The following CACYBP variants were observed in gnomAD, a reference collection of about 807,000 sequenced individuals.
CACYBP encodes calcyclin-binding protein.
In CACYBP, 11 loss-of-function variants were observed where a neutral mutation model predicts 29.6. The observed-to-expected ratio is 0.37, with a 90% CI of 0.23 to 0.61. The LOEUF is 0.61. Among genes scored for constraint, CACYBP ranks in the 20% least tolerant of loss-of-function variants. The pLI is 0.65. For missense variants in CACYBP, 163 were observed against 260.7 expected (o/e 0.63, Z 2.58); for synonymous variants, 73 against 88.3 (o/e 0.83, Z 0.97).
intron 1 of CACYBP, among the ~76,000 whole-genome samples, chr1:175,001,982 T>TC (rs1672503248): frequency 1.3e-5 from 2 of 152,280 alleles, no homozygotes; most frequent in Admixed American, 1.3e-4. Context: ...TCTCAAGTGA[T>TC]CCGCCCGCCC....
In CACYBP at chr1:175,007,149, T is replaced by C. The variant is rs1484889318; in HGVS notation, c.384T>C (p.Ile128=). The C allele has an allele frequency of 4.7e-5, 76 of 1,612,760 alleles. No homozygotes were observed. Among genetic ancestry groups the C allele is most frequent in the Non-Finnish European group, 6.3e-5 (74 of 1,179,178 alleles). ...KNLNGKSYSM[I]VNNLLKPISV... ...TAAATGGGAAGAGTTACTCCATGAT[T>C]GTGAACAATCTCTTGAAACCCATCT... The change falls in exon 4 of 6, where the codon ATT becomes ATC. Residue 128 remains isoleucine, a synonymous_variant. Coordinates refer to ENST00000367679, the MANE Select transcript of CACYBP (RefSeq NM_014412.3).
chr1:175,002,717 C>A (rs1672523084), intron 1 of CACYBP, among the ~76,000 whole-genome samples: 1 of 152,106 alleles, frequency 6.6e-6, no homozygotes, highest in Admixed American at 6.6e-5. Context: ...GAGGAACTGT[C>A]TCAGTTTTAA....
intron 1 of CACYBP, among the ~76,000 whole-genome samples, chr1:175,003,936 A>G (rs1672554681): frequency 6.6e-6 from 1 of 152,248 alleles, no homozygotes. Flanking sequence ...ATAATTTCCA[A>G]GAGTATGTTG....
chr1:175,008,667 A>AT lies in CACYBP; in HGVS notation c.493dup (p.Tyr165LeufsTer6). On this transcript the variant is annotated frameshift_variant, in exon 5 of 6. Coordinates refer to ENST00000367679, the MANE Select transcript of CACYBP (RefSeq NM_014412.3). LOFTEE classifies it high-confidence loss of function. ...AAGAAAGTGGAAAACACAAGGTGGG[A>AT]TTACCTGACCCAGGTTGAAAAGGAG... 1 of 1,595,878 alleles carries AT rather than the reference A, an allele frequency of 6.3e-7. No individual in the cohort carries two copies. Among genetic ancestry groups the AT allele is most frequent in the Non-Finnish European group, 8.6e-7 (1 of 1,163,392 alleles).
At chr1:175,000,548 G>A in intron 1 of CACYBP, 1 of 1,193,056 alleles carries the variant, frequency 8.4e-7, no homozygotes, top group East Asian at 5.8e-5. Flanking sequence ...CTTCATTCAA[G>A]CAAAGCTGGG....
Position 175,010,291 on chromosome 1 carries a change from C to T in CACYBP, c.*212C>T, listed in dbSNP as rs928832809. On this transcript the variant is annotated 3_prime_UTR_variant, in exon 6 of 6. Coordinates refer to ENST00000367679, the MANE Select transcript of CACYBP (RefSeq NM_014412.3). ...TCCTGCAAAGATGGTTTTATTAGTA[C>T]CCTGGTCATTTTGTTCAAGGAAGGG... 7.8e-6 allele frequency: 3 copies of T among 386,696 alleles called. No individual in the cohort carries two copies. The highest frequency in any genetic ancestry group is 1.4e-5 in the Non-Finnish European group (3 of 216,818). 24.0% of individuals were successfully genotyped at this position (386,696 alleles called of 1,614,324 possible).
chr1:174,999,766 T>A (rs1672411886), upstream of CACYBP: 1 of 298,182 alleles, frequency 3.4e-6, no homozygotes. Context: ...GCGGTCAAAT[T>A]ATAATACATA....
intron 3 of CACYBP, 25 bp from the exon 4 acceptor site, chr1:175,007,073 T>G: frequency 5.0e-6 from 7 of 1,406,992 alleles, no homozygotes; most frequent in Non-Finnish European, 7.0e-6. Context: ...ACTAGAAAGA[T>G]GATGTATTCA....
rs1194296822 is a variant in CACYBP at position 175,004,674 on chromosome 1, C to T, written c.76C>T (p.Arg26Cys). The T allele has an allele frequency of 7.4e-6, 12 of 1,613,748 alleles. No individual in the cohort carries two copies. The highest frequency in any genetic ancestry group is 4.5e-5 in the East Asian group (2 of 44,880). ...LLEKATRKRV[R>C]DALTAEKSKI... ...GGAAAAGGCTACTAGGAAAAGAGTA[C>T]GTGATGCCCTTACAGCTGAAAAATC... is the stretch of plus-strand genomic sequence containing the variant. Residue 26 changes from arginine to cysteine, a missense_variant, in exon 2 of 6, where the codon CGT becomes TGT. By Grantham distance (180) the Arg-to-Cys change is radical. Transcript: ENST00000367679.
chr1:175,000,158 G>C lies in CACYBP; in HGVS notation c.-23G>C. 6.2e-7 allele frequency: 1 copy of C among 1,603,856 alleles called. No homozygotes were observed. The highest frequency in any genetic ancestry group is 2.3e-5 in the East Asian group (1 of 44,214). ...CTCCTTCTGCGCGGCTGCAGCTCGGGACTTCGGCCTGACCCAGCCCCCATG... is the reference window on the plus strand; with the variant it reads ...CTCCTTCTGCGCGGCTGCAGCTCGGCACTTCGGCCTGACCCAGCCCCCATG... On this transcript the variant is annotated 5_prime_UTR_variant, in exon 1 of 6. Transcript: ENST00000367679.
In CACYBP at chr1:175,006,791, T is replaced by C; in HGVS notation, c.282T>C (p.Thr94=). 1 of 1,607,378 alleles carries C rather than the reference T, an allele frequency of 6.2e-7. No homozygotes were observed. The highest frequency in any genetic ancestry group is 8.5e-7 in the Non-Finnish European group (1 of 1,174,398). ...TTGTGAAAATCTACATTACCTTAAC[T>C]GGAGTTCATCAAGTTCCCACTGAGA... ...DKFVKIYITL[T]GVHQVPTENV... Residue 94 remains threonine, a synonymous_variant, in exon 3 of 6, where the codon ACT becomes ACC. Coordinates refer to ENST00000367679, the MANE Select transcript of CACYBP (RefSeq NM_014412.3).
intron 1 of CACYBP, among the ~76,000 whole-genome samples, chr1:175,002,156 AC>A (rs1672507973): frequency 6.6e-6 from 1 of 152,184 alleles, no homozygotes; most frequent in African/African-American, 2.4e-5. Context: ...GAGTGGAATT[AC>A]TGGTTCATAT....
chr1:175,004,533 G>A, intron 1 of CACYBP, 81 bp from the exon 2 acceptor site: 1 of 817,150 alleles, frequency 1.2e-6, no homozygotes. Flanking sequence ...GCTTATTTCA[G>A]TAAGTTGAAA....
At position 175,000,250 on chromosome 1, in the gene CACYBP, G is replaced by A. The variant is rs567888522; in HGVS notation, c.15+55G>A. 9,899 of 1,560,384 alleles carry A rather than the reference G, an allele frequency of 6.3e-3. 45 individuals carry two copies. Among genetic ancestry groups the A allele is most frequent in the Non-Finnish European group, 7.9e-3 (9,143 of 1,152,718 alleles). ...CCCCCCGGCTGGAGCTGCAGCGCCA[G>A]CCTCCCGCCCTACCGCCGTTTCCGT... On this transcript the variant is annotated intron_variant, in intron 1 of 5. Coordinates refer to ENST00000367679, the MANE Select transcript of CACYBP (RefSeq NM_014412.3).
Position 175,011,417 on chromosome 1 carries a change from G to A in CACYBP, c.*1338G>A, listed in dbSNP as rs954687687. On this transcript the variant is annotated 3_prime_UTR_variant, in exon 6 of 6. Coordinates refer to ENST00000367679, the MANE Select transcript of CACYBP (RefSeq NM_014412.3). ...TAGGCATATAGATATATTCCAAGCC[G>A]CCTGACGATCTAATTGTAAAAAGTA... 1.3e-5 allele frequency: 2 copies of A among 152,060 alleles called. No homozygotes were observed. Among genetic ancestry groups the A allele is most frequent in the Admixed American group, 6.5e-5 (1 of 15,272 alleles). 9.4% of individuals were successfully genotyped at this position (152,060 alleles called of 1,614,324 possible).
In CACYBP at chr1:175,000,162, T is replaced by C; in HGVS notation, c.-19T>C. The C allele has an allele frequency of 6.2e-7, 1 of 1,605,174 alleles. No individual in the cohort carries two copies. The highest frequency in any genetic ancestry group is 1.3e-5 in the African/African-American group (1 of 74,638). On this transcript the variant is annotated 5_prime_UTR_variant, in exon 1 of 6. Transcript: ENST00000367679. ...TTCTGCGCGGCTGCAGCTCGGGACT[T>C]CGGCCTGACCCAGCCCCCATGGCTT... is the stretch of plus-strand genomic sequence containing the variant.
intron 5 of CACYBP, 77 bp from the exon 6 acceptor site, chr1:175,009,846 C>A: frequency 8.9e-7 from 1 of 1,123,602 alleles, no homozygotes; most frequent in Non-Finnish European, 1.3e-6. Context: ...CTACTTCCTG[C>A]CAGTGTTAAC....
intron 4 of CACYBP, among the ~76,000 whole-genome samples, chr1:175,007,948 A>G (rs1298618909): frequency 6.6e-6 from 1 of 152,210 alleles, no homozygotes; most frequent in Non-Finnish European, 1.5e-5. Flanking sequence ...ATCTGTTTTT[A>G]TAATACATAA....
Position 175,000,084 on chromosome 1 carries a change from G to T in CACYBP, c.-97G>T, listed in dbSNP as rs1363410242. The T allele has an allele frequency of 8.0e-6, 12 of 1,496,580 alleles. No individual in the cohort carries two copies. Among genetic ancestry groups the T allele is most frequent in the Non-Finnish European group, 7.3e-6 (8 of 1,097,506 alleles). The allele number at this position is 1,496,580 out of a possible 1,614,324, so 92.7% of individuals were successfully genotyped here. A position where few individuals can be genotyped will look rare whatever the true frequency, so the allele number is the denominator to read the frequency against. The stretch of plus-strand genomic sequence containing the variant: ...AGGCTGCAGCGCCGCGACTCGTGCG[G>T]GTAGGCGTCTGCGCTCGGTTTGAGG... On this transcript the variant is annotated 5_prime_UTR_variant, in exon 1 of 6. Coordinates refer to ENST00000367679, the MANE Select transcript of CACYBP (RefSeq NM_014412.3).
Sources: gnomAD v4.1 joint callset for allele counts (sites outside exome capture counted in the v4.1 genomes callset) on GRCh38, gnomAD v4.1.1 for gene constraint, MANE v1.5 for transcripts, NCBI Gene and HGNC (gene_info 2026-07-23, HGNC 2026-07-21) for gene names.